ZCWPW2: variants seen among roughly 807,000 people sequenced by gnomAD.
The protein encoded by ZCWPW2 is zinc finger CW-type and PWWP domain containing 2, also known as zinc finger CW-type PWWP domain protein 2.
ZCWPW2 carries 45 observed loss-of-function variants against 46.6 expected under a neutral mutation model. That is an observed-to-expected ratio of 0.96 (90% confidence interval 0.76 to 1.24). The LOEUF is 1.24. Ranked by LOEUF, ZCWPW2 falls within the 50% of genes most tolerant of loss-of-function variation. The pLI is 0.00. For synonymous variants in ZCWPW2, 152 were observed against 137.1 expected (o/e 1.11, Z -0.76); for missense variants, 429 against 403.9 (o/e 1.06, Z -0.53).
chr3:28,416,901 T>C (rs1696597114), intron 3 of ZCWPW2, among the ~76,000 whole-genome samples: 1 of 137,306 alleles, frequency 7.3e-6, no homozygotes, highest in African/African-American at 2.8e-5. Context: ...TTTGATGTGC[T>C]GCTGGATTCG....
chr3:28,426,693 A>G (rs923133357), intron 3 of ZCWPW2, among the ~76,000 whole-genome samples: 1 of 152,170 alleles, frequency 6.6e-6, no homozygotes, highest in Non-Finnish European at 1.5e-5. Context: ...CAGCCCCTGC[A>G]ATTAGGTACA....
rs1278401185 is a variant in ZCWPW2 at position 28,349,131 on chromosome 3, T to C, written c.-206T>C. On this transcript the variant is annotated 5_prime_UTR_variant, in exon 1 of 10. It removes an upstream start codon present in the reference 5' UTR. Coordinates refer to ENST00000383768, the MANE Select transcript of ZCWPW2 (RefSeq NM_001040432.4). ...CAGGAGTGGCGCGCGGCGTACTACA[T>C]GTCCCGTGAGCCTCCGCGGCGGGAC... 3.3e-5 allele frequency: 33 copies of C among 985,562 alleles called. No individual in the cohort carries two copies. Among genetic ancestry groups the C allele is most frequent in the Non-Finnish European group, 4.0e-5 (33 of 830,150 alleles). 61.1% of individuals were successfully genotyped at this position (985,562 alleles called of 1,614,324 possible). A position where few individuals can be genotyped will look rare whatever the true frequency, so the allele number is the denominator to read the frequency against.
intron 2 of ZCWPW2, among the ~76,000 whole-genome samples, chr3:28,406,826 C>CTTTTTTTTCTT (rs1559492088): frequency 1.7e-5 from 2 of 119,982 alleles, no homozygotes; most frequent in Non-Finnish European, 3.5e-5. Flanking sequence ...TCTTTTTTTT[C>CTTTTTTTTCTT]TTTTTTTTTT....
At chr3:28,374,613 A>T (rs755995689) in intron 1 of ZCWPW2, among the ~76,000 whole-genome samples, 2 of 151,926 alleles carry the variant, frequency 1.3e-5, no homozygotes, top group Non-Finnish European at 2.9e-5. Flanking sequence ...TGAGTATGGG[A>T]TGTCTTTTCA....
intron 2 of ZCWPW2, among the ~76,000 whole-genome samples, chr3:28,391,992 T>C (rs1040764758): frequency 4.6e-5 from 7 of 152,134 alleles, no homozygotes; most frequent in South Asian, 2.1e-4. Flanking sequence ...AATAATTACA[T>C]TGAATGTCAG....
In ZCWPW2 at chr3:28,349,190, C is replaced by T. The variant is rs979621947; in HGVS notation, c.-147C>T. 6 of 985,548 alleles carry T rather than the reference C, an allele frequency of 6.1e-6. No individual in the cohort carries two copies. The African/African-American group carries it at 1.0e-4, about 17-fold the overall frequency. 61.1% of individuals were successfully genotyped at this position (985,548 alleles called of 1,614,324 possible). On this transcript the variant is annotated 5_prime_UTR_variant, in exon 1 of 10. Coordinates refer to ENST00000383768, the MANE Select transcript of ZCWPW2 (RefSeq NM_001040432.4). ...GCCGCGGGACGCCAGGAGGCGGAGGCGGAGTGGAGTTAGGTAAGAGCGTTA... is the reference window on the plus strand; with the variant it reads ...GCCGCGGGACGCCAGGAGGCGGAGGTGGAGTGGAGTTAGGTAAGAGCGTTA...
intron 1 of ZCWPW2, among the ~76,000 whole-genome samples, chr3:28,387,138 C>A (rs2125714715): frequency 6.6e-6 from 1 of 152,308 alleles, no homozygotes; most frequent in Middle Eastern, 3.4e-3. Flanking sequence ...TACTTCAATA[C>A]TCAAACCAAT....
At chr3:28,480,038 A>C (rs1366475115) in intron 5 of ZCWPW2, among the ~76,000 whole-genome samples, 2 of 152,124 alleles carry the variant, frequency 1.3e-5, no homozygotes, top group African/African-American at 4.8e-5. Flanking sequence ...ATATGTGTGC[A>C]TGTGTCTTTA....
chr3:28,520,865 A>T, intron 8 of ZCWPW2, 127 bp from the exon 9 acceptor site: 3 of 1,131,076 alleles, frequency 2.7e-6, no homozygotes, highest in Non-Finnish European at 3.7e-6. Flanking sequence ...TATGAAAATT[A>T]TATGAAACAT....
At chr3:28,513,069 C>T (rs566319144) in intron 6 of ZCWPW2, among the ~76,000 whole-genome samples, 105 of 152,272 alleles carry the variant, frequency 6.9e-4, no homozygotes, top group African/African-American at 2.3e-3. Context: ...AGTCACACTT[C>T]CTACCTCCAA....
chr3:28,422,587 A>G (rs1490075916), intron 3 of ZCWPW2, among the ~76,000 whole-genome samples: 2 of 152,164 alleles, frequency 1.3e-5, no homozygotes, highest in African/African-American at 4.8e-5. Flanking sequence ...TCCATTGTCT[A>G]TACATAGGAC....
intron 1 of ZCWPW2, among the ~76,000 whole-genome samples, chr3:28,383,091 T>C (rs1695158320): frequency 6.6e-6 from 1 of 152,116 alleles, no homozygotes; most frequent in African/African-American, 2.4e-5. Flanking sequence ...GAGAGGGTAA[T>C]TCCTAAATAT....
chr3:28,445,176 A>C (rs1213019283), intron 4 of ZCWPW2, among the ~76,000 whole-genome samples: 1 of 149,246 alleles, frequency 6.7e-6, no homozygotes, highest in Non-Finnish European at 1.5e-5. Context: ...CCTATTATAT[A>C]CCTATCATAT....
chr3:28,492,726 G>C (rs1490885343), intron 6 of ZCWPW2, among the ~76,000 whole-genome samples: 1 of 152,078 alleles, frequency 6.6e-6, no homozygotes, highest in Non-Finnish European at 1.5e-5. Flanking sequence ...GCAAAAACTT[G>C]GTTGGGATAG....
intron 6 of ZCWPW2, among the ~76,000 whole-genome samples, chr3:28,493,297 C>T (rs1226211785): frequency 1.2e-5 from 1 of 80,878 alleles, no homozygotes; most frequent in African/African-American, 4.7e-5. Context: ...TATCCCTCCC[C>T]CCTCCCCCGA....
chr3:28,460,034 C>T (rs576915416), intron 4 of ZCWPW2, among the ~76,000 whole-genome samples: 82 of 152,252 alleles, frequency 5.4e-4, no homozygotes, highest in South Asian at 1.9e-3. Context: ...ACCTCCCCAG[C>T]CCTACCTGCA....
At chr3:28,504,380 T>C (rs1700224445) in intron 6 of ZCWPW2, among the ~76,000 whole-genome samples, 2 of 151,716 alleles carry the variant, frequency 1.3e-5, no homozygotes, top group South Asian at 4.1e-4. Flanking sequence ...TTCCTATGTA[T>C]GAGAGAGATC....
rs889613588 is a variant in ZCWPW2, at chr3:28,363,006, A to G, written c.-134+13803A>G. Among the ~76,000 whole-genome samples, 6 of 140,336 alleles carry G rather than the reference A, an allele frequency of 4.3e-5. No individual in the cohort carries two copies. In the South Asian group the frequency reaches 1.3e-3, roughly 30 times the overall value. 92.1% of individuals were successfully genotyped at this position (140,336 alleles called of 152,430 possible). On this transcript the variant is annotated intron_variant, in intron 1 of 9. Coordinates refer to ENST00000383768, the MANE Select transcript of ZCWPW2 (RefSeq NM_001040432.4). ...GTTCTCAGTTATAAGTGGGAGATAA[A>G]TGATGAGACCACATGGACAGAAAGG...
intron 4 of ZCWPW2, among the ~76,000 whole-genome samples, chr3:28,449,871 A>G (rs1275039270): frequency 6.6e-6 from 1 of 152,160 alleles, no homozygotes; most frequent in African/African-American, 2.4e-5. Flanking sequence ...TATCTGTGGA[A>G]CCCATGATTT....
Sources: allele counts gnomAD v4.1 joint callset (sites outside exome capture counted in the v4.1 genomes callset), GRCh38; gene constraint gnomAD v4.1.1; transcripts MANE v1.5; gene names NCBI Gene and HGNC (gene_info 2026-07-23, HGNC 2026-07-21).